AFMID: variants seen among roughly 807,000 people sequenced by gnomAD.
AFMID encodes arylformamidase, also known as kynurenine formamidase.
In AFMID, 39 loss-of-function variants were observed where a neutral mutation model predicts 47.5. That is an observed-to-expected ratio of 0.82 (90% CI 0.64 to 1.07). AFMID has a LOEUF of 1.07. Ranked by LOEUF, AFMID falls within the 50% of genes least tolerant of loss-of-function variation. The pLI is 0.00. For missense variants in AFMID, 375 were observed against 387.5 expected (o/e 0.97, Z 0.27); for synonymous variants, 130 against 153.2 (o/e 0.85, Z 1.12).
At position 78,205,527 on chromosome 17, in the gene AFMID, C is replaced by T. The variant is rs1329022030; in HGVS notation, c.644+9C>T. The stretch of plus-strand genomic sequence containing the variant: ...GCTCTCCAGCTGACCCTGTGAGTTA[C>T]TTGGCCACCACCTCCCCTGGCTCAC... On this transcript the variant is annotated intron_variant, in intron 8 of 10. Transcript: ENST00000409257. 6.2e-7 allele frequency: 1 copy of T among 1,614,064 alleles called. No individual in the cohort carries two copies. The highest frequency in any genetic ancestry group is 1.3e-5 in the African/African-American group (1 of 74,928).
At chr17:78,191,587 T>A (rs1478123711) in intron 2 of AFMID, among the ~76,000 whole-genome samples, 2 of 151,912 alleles carry the variant, frequency 1.3e-5, no homozygotes, top group Non-Finnish European at 2.9e-5. Flanking sequence ...GCATGAGAAT[T>A]GCTTCAACCT....
At chr17:78,206,088 A>G (rs1282537604) in intron 10 of AFMID, 38 bp downstream of exon 10, 9 of 1,575,948 alleles carry the variant, frequency 5.7e-6, no homozygotes, top group Non-Finnish European at 7.9e-6. Context: ...CATGGTAGAC[A>G]GCACAGGTCC....
intron 1 of AFMID, among the ~76,000 whole-genome samples, chr17:78,187,763 C>T (rs1267950440): frequency 6.6e-6 from 1 of 151,894 alleles, no homozygotes; most frequent in African/African-American, 2.4e-5. Context: ...ACCAGCCTGG[C>T]CAACATGGTG....
Position 78,207,641 on chromosome 17 carries a change from A to G in AFMID, c.*704A>G, listed in dbSNP as rs1051408021. The G allele has an allele frequency of 1.3e-5, 2 of 152,250 alleles. No homozygotes were observed. Among genetic ancestry groups the G allele is most frequent in the African/African-American group, 4.8e-5 (2 of 41,458 alleles). 9.4% of individuals were successfully genotyped at this position (152,250 alleles called of 1,614,324 possible). On this transcript the variant is annotated 3_prime_UTR_variant, in exon 11 of 11. Transcript: ENST00000409257. ...GCACAAAAGAATATTATTTCATAAC[A>G]TGTAAAAATTATATAAAACGTAAAT...
At chr17:78,194,271 C>T (rs954759127) in intron 2 of AFMID, among the ~76,000 whole-genome samples, 2 of 151,936 alleles carry the variant, frequency 1.3e-5, no homozygotes, top group South Asian at 2.1e-4. Context: ...AATTTACAGG[C>T]GCGTGCCACC....
intron 2 of AFMID, among the ~76,000 whole-genome samples, chr17:78,194,317 G>T (rs1453644464): frequency 6.6e-6 from 1 of 152,088 alleles, no homozygotes; most frequent in African/African-American, 2.4e-5. Context: ...TAGAGGCGGG[G>T]TTTCACCATG....
intron 1 of AFMID, among the ~76,000 whole-genome samples, chr17:78,187,806 G>A (rs182340114): frequency 6.1e-4 from 92 of 151,948 alleles, no homozygotes; most frequent in Non-Finnish European, 1.1e-3. Context: ...ACAAAAATTA[G>A]CCGGGCGTGG....
chr17:78,204,525 T>A (rs1477210550), intron 4 of AFMID, 131 bp from the exon 5 acceptor site: 2 of 836,716 alleles, frequency 2.4e-6, no homozygotes, highest in Admixed American at 2.0e-5. Flanking sequence ...TCCGCTTCAC[T>A]CTCTCACATG....
Position 78,187,379 on chromosome 17 carries a change from T to C in AFMID, c.9T>C (p.Asp3=), listed in dbSNP as rs998964915. 1.2e-6 allele frequency: 2 copies of C among 1,613,698 alleles called. No individual in the cohort carries two copies. The highest frequency in any genetic ancestry group is 2.7e-5 in the African/African-American group (2 of 74,970). ...ATGCGGCTGTAGACGCCATGATGGA[T>C]GTGTCTGGTGTGGGTTTCCCAAGCA... MM[D]VSGVGFPSKV... is the part of the protein sequence containing the mutation. Residue 3 remains aspartate (D), a synonymous_variant, in exon 1 of 11, where the codon GAT becomes GAC. Transcript: ENST00000409257.
In AFMID at chr17:78,192,773, G is replaced by A. The variant is rs542601185; in HGVS notation, c.154+1713G>A. On this transcript the variant is annotated intron_variant, in intron 2 of 10. Coordinates refer to ENST00000409257, the MANE Select transcript of AFMID (RefSeq NM_001010982.5). ...TGCTGGGATGGGGAGCAGGCCCCGA[G>A]GAGGAAGTGTAGGTGAGGACGCAGC... 26 of 406,434 alleles carry A rather than the reference G, an allele frequency of 6.4e-5. 1 individual carries two copies. Among genetic ancestry groups the A allele is most frequent in the South Asian group, 4.7e-4 (26 of 55,848 alleles). The allele number at this position is 406,434 out of a possible 1,614,324, so 25.2% of individuals were successfully genotyped here.
At chr17:78,192,973 G>A (rs549658818) in intron 2 of AFMID, among the ~76,000 whole-genome samples, 1 of 152,098 alleles carries the variant, frequency 6.6e-6, no homozygotes, top group Non-Finnish European at 1.5e-5. Context: ...CAATAGATTG[G>A]GGGGGAGCTG....
intron 2 of AFMID, among the ~76,000 whole-genome samples, chr17:78,194,171 C>T (rs182456307): frequency 2.0e-5 from 3 of 150,192 alleles, no homozygotes; most frequent in Middle Eastern, 3.4e-3. Context: ...AGTGCAGTGG[C>T]GTGATTTTGG....
At chr17:78,197,879 A>G (rs1237631056) in intron 2 of AFMID, among the ~76,000 whole-genome samples, 1 of 152,080 alleles carries the variant, frequency 6.6e-6, no homozygotes, top group Non-Finnish European at 1.5e-5. Context: ...AGACTTTGGG[A>G]AACCAAAGCA....
chr17:78,205,977 T>C lies in AFMID; in HGVS notation c.812T>C (p.Phe271Ser). The change falls in exon 10 of 11, where the codon TTT becomes TCT. Residue 271 changes from phenylalanine to serine, a missense_variant. Transcript: ENST00000409257. ...TGTCAAGGAGAGTGGAAAGCCTCAT[T>C]TGAAGAGCTCCACGATGTGGACCAC... The part of the protein sequence containing the change: ...TLCQGEWKAS[F>S]EELHDVDHFE... 6.2e-7 allele frequency: 1 copy of C among 1,614,048 alleles called. No homozygotes were observed. Among genetic ancestry groups the C allele is most frequent in the South Asian group, 1.1e-5 (1 of 91,084 alleles).
At chr17:78,194,821 A>C (rs1022036830) in intron 2 of AFMID, among the ~76,000 whole-genome samples, 5 of 151,830 alleles carry the variant, frequency 3.3e-5, no homozygotes, top group African/African-American at 1.2e-4. Flanking sequence ...CAGCCTCCTG[A>C]GTATCTGGGA....
At chr17:78,194,965 A>T (rs2076072850) in intron 2 of AFMID, among the ~76,000 whole-genome samples, 1 of 152,114 alleles carries the variant, frequency 6.6e-6, no homozygotes, top group Non-Finnish European at 1.5e-5. Context: ...AAGTGCTGGG[A>T]TTACAGGCGT....
intron 2 of AFMID, among the ~76,000 whole-genome samples, chr17:78,200,861 G>A (rs8070127): frequency 0.035 from 5,266 of 152,260 alleles, 239 homozygotes; most frequent in East Asian, 0.23. Flanking sequence ...GGGAGTTCCT[G>A]CAAAGATGAC....
chr17:78,206,599 GTC>G (rs1233880189), intron 10 of AFMID, among the ~76,000 whole-genome samples: 3 of 151,854 alleles, frequency 2.0e-5, no homozygotes, highest in Non-Finnish European at 2.9e-5. Flanking sequence ...TAGAGATGGG[GTC>G]TCTCTATGTT....
chr17:78,202,916 G>A (rs908617405), intron 4 of AFMID, 165 bp downstream of exon 4: 2 of 855,404 alleles, frequency 2.3e-6, no homozygotes, highest in East Asian at 2.7e-5. Context: ...ATGTGGGCAG[G>A]GTTCCTAGGG....
Sources: gnomAD v4.1 joint callset for allele counts (sites outside exome capture counted in the v4.1 genomes callset) on GRCh38, gnomAD v4.1.1 for gene constraint, MANE v1.5 for transcripts, NCBI Gene and HGNC (gene_info 2026-07-23, HGNC 2026-07-21) for gene names.